Variants in MICU3 observed in about 807,000 individuals in gnomAD.
The protein encoded by MICU3 is calcium uptake protein 3, mitochondrial.
In MICU3, 62 loss-of-function variants were observed where a neutral mutation model predicts 66.5. The observed-to-expected ratio is 0.93, with a 90% CI of 0.76 to 1.15. The LOEUF is 1.15. Ranked by LOEUF, MICU3 falls within the 50% of genes most tolerant of loss-of-function variation. The pLI, the probability that MICU3 is intolerant of heterozygous loss-of-function variation, is 0.00. For synonymous variants in MICU3, 308 were observed against 240.7 expected, an observed-to-expected ratio of 1.28 and a Z score of -2.59; for missense variants, 779 against 664.4, an observed-to-expected ratio of 1.17 and a Z score of -1.90.
downstream of MICU3, among the ~76,000 whole-genome samples, chr8:17,123,925 TA>T (rs1240286839): frequency 1.4e-5 from 2 of 145,894 alleles, no homozygotes; most frequent in East Asian, 4.0e-4. Flanking sequence ...GCATATATTT[TA>T]AAAAGACAAC....
Position 17,088,891 on chromosome 8 carries a change from G to A in MICU3, c.850-1655G>A, listed in dbSNP as rs1799754159. On this transcript the variant is annotated intron_variant, in intron 7 of 14. Transcript: ENST00000318063. ...GCAAATATTTTATAATAGTGATAGAGTAAAACATCATTAACTTAGATTAAT... is the reference window on the plus strand; with the variant it reads ...GCAAATATTTTATAATAGTGATAGAATAAAACATCATTAACTTAGATTAAT... Among the ~76,000 whole-genome samples, 4 of 151,972 alleles carry A rather than the reference G, an allele frequency of 2.6e-5. No individual in the cohort carries two copies. In the South Asian group the frequency reaches 8.3e-4, roughly 32 times the overall value.
chr8:17,074,729 AT>A (rs1295302865), intron 3 of MICU3, among the ~76,000 whole-genome samples: 1 of 151,074 alleles, frequency 6.6e-6, no homozygotes, highest in Non-Finnish European at 1.5e-5. Context: ...GTACTTACTA[AT>A]TTTTCTATAA....
At chr8:17,134,057 T>A in the MICU3 span, 1 of 152,240 alleles carries the variant, frequency 6.6e-6, no homozygotes, top group Non-Finnish European at 1.5e-5. Flanking sequence ...AGAATTGTTT[T>A]ATCTTCTCCA....
At chr8:17,040,905 G>A (rs2150524557) in intron 1 of MICU3, among the ~76,000 whole-genome samples, 1 of 152,230 alleles carries the variant, frequency 6.6e-6, no homozygotes, top group East Asian at 1.9e-4. Flanking sequence ...TTTGTCTTGG[G>A]CAATTGGGTG....
intron 3 of MICU3, among the ~76,000 whole-genome samples, chr8:17,070,195 A>G (rs1202535382): frequency 6.6e-6 from 1 of 152,102 alleles, no homozygotes; most frequent in Non-Finnish European, 1.5e-5. Context: ...AGAGGTTCAC[A>G]AGAATGTTTA....
intron 13 of MICU3, among the ~76,000 whole-genome samples, chr8:17,118,372 CTT>C (rs1001792767): frequency 6.6e-6 from 1 of 151,846 alleles, no homozygotes; most frequent in African/African-American, 2.4e-5. Context: ...TTATATCAAA[CTT>C]ATTAACAAAT....
At chr8:17,040,509 T>C (rs1227288652) in intron 1 of MICU3, among the ~76,000 whole-genome samples, 1 of 152,226 alleles carries the variant, frequency 6.6e-6, no homozygotes, top group Non-Finnish European at 1.5e-5. Flanking sequence ...TTACCTTGTA[T>C]TACCTGTAAG....
At chr8:17,035,117 G>T (rs1812749307) in intron 1 of MICU3, among the ~76,000 whole-genome samples, 1 of 152,202 alleles carries the variant, frequency 6.6e-6, no homozygotes, top group Non-Finnish European at 1.5e-5. Flanking sequence ...CTGCCGCCAT[G>T]TAAGAGGTGA....
chr8:17,049,616 G>A (rs2014286), intron 1 of MICU3: 118,404 of 518,112 alleles, frequency 0.23, 21,168 homozygotes, highest in African/African-American at 0.65. Flanking sequence ...GCATTTGAAC[G>A]TAGGCCGGAA....
the MICU3 span, among the ~76,000 whole-genome samples, chr8:17,134,771 C>G: frequency 6.6e-6 from 1 of 152,146 alleles, no homozygotes. Context: ...TCTCTTCAGA[C>G]TTTCAAATGA....
rs189116141 is a variant in MICU3 at position 17,038,250 on chromosome 8, G to A, written c.381+10590G>A. Among the ~76,000 whole-genome samples, 64 of 152,248 alleles carry A rather than the reference G, an allele frequency of 4.2e-4. 1 individual carries two copies. Among genetic ancestry groups the A allele is most frequent in the East Asian group, 4.1e-3 (21 of 5,166 alleles). On this transcript the variant is annotated intron_variant, in intron 1 of 14. Coordinates refer to ENST00000318063, the MANE Select transcript of MICU3 (RefSeq NM_181723.3). ...TGCCTTGAATTGTAATAATCCCCAC[G>A]TGTCATGGGAGGGACCCGGTGGGAG... is the stretch of plus-strand genomic sequence containing the variant.
chr8:17,080,601 T>C (rs552921341), intron 4 of MICU3, among the ~76,000 whole-genome samples: 13 of 152,278 alleles, frequency 8.5e-5, no homozygotes, highest in African/African-American at 2.9e-4. Context: ...TGTATCTTTA[T>C]ATACATTGAC....
chr8:17,057,720 A>G (rs1817164670), intron 1 of MICU3, among the ~76,000 whole-genome samples: 2 of 152,240 alleles, frequency 1.3e-5, no homozygotes, highest in Middle Eastern at 3.4e-3. Flanking sequence ...AATTGATGAT[A>G]ATGATTTTCA....
intron 13 of MICU3, among the ~76,000 whole-genome samples, chr8:17,118,358 A>G (rs1381956771): frequency 1.3e-5 from 2 of 152,154 alleles, no homozygotes; most frequent in Admixed American, 1.3e-4. Context: ...ATATAGTGGA[A>G]TGATTATATC....
intron 8 of MICU3, among the ~76,000 whole-genome samples, chr8:17,096,928 T>G (rs1348919629): frequency 1.3e-5 from 2 of 151,156 alleles, no homozygotes; most frequent in Admixed American, 1.3e-4. Flanking sequence ...TAAACTAATT[T>G]TAGTTCTTAA....
the MICU3 span, among the ~76,000 whole-genome samples, chr8:17,128,249 C>A: frequency 3.3e-5 from 5 of 151,802 alleles, no homozygotes; most frequent in Non-Finnish European, 7.4e-5. Flanking sequence ...CACACACACA[C>A]ACACACACAC....
At chr8:17,127,072 G>A (rs1487413128), downstream of MICU3, among the ~76,000 whole-genome samples, 1 of 152,080 alleles carries the variant, frequency 6.6e-6, no homozygotes, top group Non-Finnish European at 1.5e-5. Context: ...TTTAAACTGA[G>A]GTAAAATAAG....
At chr8:17,106,402 T>G (rs1183766892) in intron 11 of MICU3, among the ~76,000 whole-genome samples, 2 of 151,928 alleles carry the variant, frequency 1.3e-5, no homozygotes, top group African/African-American at 4.8e-5. Context: ...ATCTCCAAAT[T>G]AGAGTACTTT....
At chr8:17,101,221 G>A (rs371772384) in intron 9 of MICU3, among the ~76,000 whole-genome samples, 3 of 151,766 alleles carry the variant, frequency 2.0e-5, no homozygotes, top group South Asian at 4.2e-4. Context: ...GGGGTTCTTT[G>A]GTGGCTTTTT....
Sources: allele counts gnomAD v4.1 joint callset (sites outside exome capture counted in the v4.1 genomes callset), GRCh38; gene constraint gnomAD v4.1.1; transcripts MANE v1.5; gene names NCBI Gene and HGNC (gene_info 2026-07-23, HGNC 2026-07-21).